IK: variants seen among roughly 807,000 people sequenced by gnomAD.
IK encodes the protein IK cytokine.
A neutral mutation model predicts 90.9 loss-of-function variants in IK; 47 were observed. The observed-to-expected ratio is 0.52, with a 90% CI of 0.41 to 0.66. IK has a LOEUF of 0.66. IK is among the 30% of genes least tolerant of loss of function. IK has a pLI of 0.00. For synonymous variants in IK, 201 were observed against 227.5 expected (o/e 0.88, Z 1.05); for missense variants, 385 against 709.3 (o/e 0.54, Z 5.19).
At chr5:140,648,744 T>G (rs1757548545) in intron 2 of IK, 4 of 533,568 alleles carry the variant, frequency 7.5e-6, no homozygotes, top group East Asian at 3.1e-5. Context: ...GTGTTAAGTT[T>G]TTTTTTTTTT....
Position 140,654,496 on chromosome 5 carries a change from C to A in IK, c.520-20C>A. 6.4e-7 allele frequency: 1 copy of A among 1,569,632 alleles called. No individual in the cohort carries two copies. Among genetic ancestry groups the A allele is most frequent in the East Asian group, 2.3e-5 (1 of 42,940 alleles). ...AAATATATAAAATGAGTGTCCTAAC[C>A]CTGCTTGCTTTCCTGTTAGGTACGA... On this transcript the variant is annotated intron_variant, in intron 6 of 19. Coordinates refer to ENST00000417647, the MANE Select transcript of IK (RefSeq NM_006083.4).
rs1303066831 is a variant in IK, at chr5:140,648,609, A to T, written c.83+72A>T. 4 of 1,375,736 alleles carry T rather than the reference A, an allele frequency of 2.9e-6. No individual in the cohort carries two copies. The East Asian group carries it at 6.9e-5, about 24-fold the overall frequency. The allele number at this position is 1,375,736 out of a possible 1,614,324, so 85.2% of individuals were successfully genotyped here. A position where few individuals can be genotyped will look rare whatever the true frequency, so the allele number is the denominator to read the frequency against. On this transcript the variant is annotated intron_variant, in intron 2 of 19. Coordinates refer to ENST00000417647, the MANE Select transcript of IK (RefSeq NM_006083.4). ...AGAAAAGTGGTGGTGATGGTGAAAG[A>T]ATTCTGAATGTCTTGTCATCAAGGA... is the stretch of plus-strand genomic sequence containing the variant.
Position 140,659,077 on chromosome 5 carries a change from TCGGGAA to T in IK, c.1092_1097del (p.Glu369_Arg370del). On this transcript the variant is annotated inframe_deletion, in exon 12 of 20. Transcript: ENST00000417647. ...ACCGAGAGCGAGAGCGAGAACGAGA[TCGGGAA>T]CGAGAGCGAGAGCGGGACCGAGAGA... 6.2e-7 allele frequency: 1 copy of T among 1,609,376 alleles called. No individual in the cohort carries two copies. Among genetic ancestry groups the T allele is most frequent in the Non-Finnish European group, 8.5e-7 (1 of 1,177,708 alleles).
chr5:140,657,693 C>A, intron 10 of IK, 31 bp downstream of exon 10: 2 of 1,420,398 alleles, frequency 1.4e-6, no homozygotes, highest in Non-Finnish European at 2.0e-6. Context: ...AGAAGCCTTA[C>A]CCACAGAGGA....
In IK at chr5:140,655,831, C is replaced by T. The variant is rs1045383956; in HGVS notation, c.640C>T (p.Arg214Cys). 6.2e-6 allele frequency: 10 copies of T among 1,609,988 alleles called. No homozygotes were observed. Among genetic ancestry groups the T allele is most frequent in the African/African-American group, 1.3e-5 (1 of 74,890 alleles). ...TGCTGCTCTTCTCCTTATTGTAGGC[C>T]GCAATGTTTACCGAATGCTTTTTAA... is the stretch of plus-strand genomic sequence containing the variant. ...NKIEFKTRLGRNVYRMLFKSK... is the reference protein window; with the variant it reads ...NKIEFKTRLGCNVYRMLFKSK... Residue 214 changes from arginine (R) to cysteine (C), a missense_variant and splice_region_variant, in exon 9 of 20, where the codon CGC becomes TGC. Arg to Cys is a radical substitution (Grantham distance 180). Coordinates refer to ENST00000417647, the MANE Select transcript of IK (RefSeq NM_006083.4).
intron 15 of IK, 64 bp from the exon 16 acceptor site, chr5:140,660,694 A>G (rs1757790068): frequency 7.8e-7 from 1 of 1,289,758 alleles, no homozygotes; most frequent in Admixed American, 1.7e-5. Context: ...TTAGTCGGGT[A>G]GGTTTCCAGA....
chr5:140,659,481 TC>T (rs1385739561), intron 13 of IK, 148 bp downstream of exon 13: 2 of 843,728 alleles, frequency 2.4e-6, no homozygotes, highest in Non-Finnish European at 4.0e-6. Flanking sequence ...TAGGTGGAGT[TC>T]CCTCCACCTT....
chr5:140,658,274 G>A (rs571265821), intron 10 of IK, among the ~76,000 whole-genome samples: 2 of 151,934 alleles, frequency 1.3e-5, no homozygotes, highest in East Asian at 1.9e-4. Flanking sequence ...AAAGTGCTGG[G>A]ATTACAGGCA....
At chr5:140,657,689 C>A in intron 10 of IK, 27 bp downstream of exon 10, 1 of 1,453,872 alleles carries the variant, frequency 6.9e-7, no homozygotes, top group South Asian at 1.2e-5. Flanking sequence ...AGAGAGAAGC[C>A]TTACCCACAG....
At chr5:140,648,117 C>T (rs766971884) in intron 1 of IK, 193 bp downstream of exon 1, 9 of 738,020 alleles carry the variant, frequency 1.2e-5, no homozygotes, top group Admixed American at 2.0e-5. Context: ...CTCCAAACTC[C>T]GTCCCCAGTC....
chr5:140,652,615 ATAATACGTTCT>A (rs1428920781), intron 4 of IK, among the ~76,000 whole-genome samples: 2 of 152,216 alleles, frequency 1.3e-5, no homozygotes. Flanking sequence ...GGACCAGCAA[ATAATACGTTCT>A]TTTCAGCTGA....
chr5:140,653,797 GT>G, intron 5 of IK, 140 bp from the exon 6 acceptor site: 4 of 577,154 alleles, frequency 6.9e-6, no homozygotes, highest in Non-Finnish European at 1.3e-5. Flanking sequence ...TAGAGATGGG[GT>G]TTCACCATAT....
chr5:140,654,645 AC>A, intron 7 of IK, 35 bp from the exon 8 acceptor site: 1 of 1,584,004 alleles, frequency 6.3e-7, no homozygotes, highest in Non-Finnish European at 8.6e-7. Context: ...AAGTTAGAGC[AC>A]ATTTAGCAAA....
chr5:140,648,305 G>A, intron 1 of IK, 166 bp from the exon 2 acceptor site: 1 of 734,338 alleles, frequency 1.4e-6, no homozygotes, highest in Admixed American at 2.0e-5. Context: ...TCTGCTTTGT[G>A]CTCCCACAGC....
chr5:140,653,270 C>T (rs1757645136), intron 5 of IK, 126 bp downstream of exon 5: 5 of 719,668 alleles, frequency 6.9e-6, no homozygotes, highest in Admixed American at 3.0e-5. Context: ...GCATTTGCCA[C>T]CCACAAAGGG....
chr5:140,657,026 C>T (rs1276840920), intron 9 of IK, among the ~76,000 whole-genome samples: 1 of 152,098 alleles, frequency 6.6e-6, no homozygotes, highest in Non-Finnish European at 1.5e-5. Context: ...GGTGGGCCAA[C>T]ATTGTAAAAC....
At chr5:140,651,948 A>G (rs1757622814) in intron 3 of IK, 140 bp from the exon 4 acceptor site, 1 of 822,636 alleles carries the variant, frequency 1.2e-6, no homozygotes, top group African/African-American at 1.7e-5. Context: ...ACCTACAAAT[A>G]TTGGTGTGGA....
At position 140,651,700 on chromosome 5, in the gene IK, G is replaced by A. The variant is rs772361082; in HGVS notation, c.84-14G>A. On this transcript the variant is annotated splice_polypyrimidine_tract_variant and intron_variant, in intron 2 of 19. Transcript: ENST00000417647. The stretch of plus-strand genomic sequence containing the variant: ...TTGAGTCCTAATATTTAAAATCTTT[G>A]CCTTTTCTTCTAGATCAAAACTCAC... 2.7e-6 allele frequency: 4 copies of A among 1,465,460 alleles called. No homozygotes were observed. The highest frequency in any genetic ancestry group is 2.8e-5 in the African/African-American group (2 of 71,090). The allele number at this position is 1,465,460 out of a possible 1,614,324, so 90.8% of individuals were successfully genotyped here.
At chr5:140,660,865 T>G (rs771402267) in intron 16 of IK, 50 bp downstream of exon 16, 1 of 1,402,598 alleles carries the variant, frequency 7.1e-7, no homozygotes, top group Admixed American at 1.7e-5. Context: ...ATTATTTGTT[T>G]TACATGTATC....
Sources: allele counts gnomAD v4.1 joint callset (sites outside exome capture counted in the v4.1 genomes callset), GRCh38; gene constraint gnomAD v4.1.1; transcripts MANE v1.5; gene names NCBI Gene and HGNC (gene_info 2026-07-23, HGNC 2026-07-21).